ATXN7L1: variants seen among roughly 807,000 people sequenced by gnomAD.
ATXN7L1 encodes the protein ataxin 7 like 1.
ATXN7L1 carries 15 observed loss-of-function variants against 70.8 expected under a neutral mutation model. That is an observed-to-expected ratio of 0.21 (90% CI 0.14 to 0.33). ATXN7L1 has a LOEUF of 0.33. Among genes scored for constraint, ATXN7L1 ranks in the 10% least tolerant of loss-of-function variants. The pLI is 1.00. For missense variants in ATXN7L1, 975 were observed against 1,097.1 expected (o/e 0.89, Z 1.57); for synonymous variants, 440 against 445.1 (o/e 0.99, Z 0.14).
chr7:105,677,568 C>T (rs1804875950), intron 3 of ATXN7L1, among the ~76,000 whole-genome samples: 1 of 152,234 alleles, frequency 6.6e-6, no homozygotes, highest in African/African-American at 2.4e-5. Flanking sequence ...ACTCTATTCA[C>T]TGTGGAATAA....
chr7:105,863,221 C>T (rs1282725611), intron 2 of ATXN7L1, among the ~76,000 whole-genome samples: 1 of 152,194 alleles, frequency 6.6e-6, no homozygotes, highest in Non-Finnish European at 1.5e-5. Flanking sequence ...CACCTTCTCC[C>T]AAAAAGGAAC....
chr7:105,842,842 C>T (rs1457016209), intron 2 of ATXN7L1, among the ~76,000 whole-genome samples: 1 of 152,188 alleles, frequency 6.6e-6, no homozygotes, highest in African/African-American at 2.4e-5. Flanking sequence ...TCTCCACAAT[C>T]CTCGCCAACA....
At chr7:105,630,190 TG>T (rs2115848766) in intron 7 of ATXN7L1, among the ~76,000 whole-genome samples, 1 of 152,334 alleles carries the variant, frequency 6.6e-6, no homozygotes, top group South Asian at 2.1e-4. Context: ...TTGGCCATAA[TG>T]CTGCCATGAG....
chr7:105,725,994 T>C (rs1294845394), intron 3 of ATXN7L1, among the ~76,000 whole-genome samples: 10 of 151,238 alleles, frequency 6.6e-5, no homozygotes, highest in Non-Finnish European at 1.2e-4. Flanking sequence ...CTCCGCCTCC[T>C]GGGTTCAAGT....
chr7:105,721,078 C>T (rs73411071), intron 3 of ATXN7L1, among the ~76,000 whole-genome samples: 19,329 of 152,170 alleles, frequency 0.13, 1,620 homozygotes, highest in East Asian at 0.25. Context: ...GCAACAACCA[C>T]GACCACCCAA....
At chr7:105,794,505 C>T (rs571796706) in intron 2 of ATXN7L1, among the ~76,000 whole-genome samples, 11 of 152,368 alleles carry the variant, frequency 7.2e-5, no homozygotes, top group African/African-American at 1.2e-4. Context: ...ACCAGCACTT[C>T]GCTGACTAGT....
chr7:105,641,348 A>G (rs1798217359), intron 5 of ATXN7L1, among the ~76,000 whole-genome samples: 1 of 145,894 alleles, frequency 6.9e-6, no homozygotes, highest in Non-Finnish European at 1.5e-5. Flanking sequence ...TGGGTCTGTC[A>G]GAGTCAGGCC....
chr7:105,674,018 G>A (rs1216280551), intron 3 of ATXN7L1, among the ~76,000 whole-genome samples: 1 of 152,206 alleles, frequency 6.6e-6, no homozygotes, highest in Non-Finnish European at 1.5e-5. Context: ...TGCCAGGAGT[G>A]CTTGTGAGCT....
intron 7 of ATXN7L1, among the ~76,000 whole-genome samples, chr7:105,628,543 A>C (rs530085437): frequency 6.6e-6 from 1 of 152,040 alleles, no homozygotes; most frequent in African/African-American, 2.4e-5. Flanking sequence ...TAATCCCAGC[A>C]CTTTGGGAGG....
chr7:105,765,193 G>T (rs1259161126), intron 3 of ATXN7L1, among the ~76,000 whole-genome samples: 1 of 151,970 alleles, frequency 6.6e-6, no homozygotes, highest in Non-Finnish European at 1.5e-5. Flanking sequence ...CATTAGCCAG[G>T]CATGGTGGGG....
intron 3 of ATXN7L1, among the ~76,000 whole-genome samples, chr7:105,764,750 T>C (rs1801017130): frequency 6.6e-6 from 1 of 152,210 alleles, no homozygotes; most frequent in South Asian, 2.1e-4. Context: ...ATGGAAATTA[T>C]TCTTTATATG....
In ATXN7L1 at chr7:105,649,460, G is replaced by C. The variant is rs1466276104; in HGVS notation, c.579-6339C>G. On this transcript the variant is annotated intron_variant, in intron 4 of 11. Transcript: ENST00000419735. Reference sequence around the variant, plus strand: ...CCCACGTCTTCTTCCTTTGTGCTTGGCCTGTCTGAATTTATCTTTCTAGAT... The same window carrying C: ...CCCACGTCTTCTTCCTTTGTGCTTGCCCTGTCTGAATTTATCTTTCTAGAT... The C allele has an allele frequency of 4.1e-6, 4 of 987,618 alleles. No individual in the cohort carries two copies. In the African/African-American group the frequency reaches 7.0e-5, roughly 17 times the overall value. 61.2% of individuals were successfully genotyped at this position (987,618 alleles called of 1,614,324 possible).
chr7:105,849,101 C>T (rs894709345), intron 2 of ATXN7L1, among the ~76,000 whole-genome samples: 2 of 152,214 alleles, frequency 1.3e-5, no homozygotes, highest in African/African-American at 2.4e-5. Context: ...CTGAATTTGA[C>T]CATTATTGCA....
At chr7:105,748,292 C>T (rs375178919) in intron 3 of ATXN7L1, among the ~76,000 whole-genome samples, 2 of 152,110 alleles carry the variant, frequency 1.3e-5, no homozygotes, top group African/African-American at 2.4e-5. Context: ...CAAAGGGCAG[C>T]GGTGGGATGC....
intron 3 of ATXN7L1, among the ~76,000 whole-genome samples, chr7:105,688,996 A>T (rs535551): frequency 0.01 from 1,556 of 152,306 alleles, 27 homozygotes; most frequent in African/African-American, 0.036. Context: ...GGGTGAATGG[A>T]CTATGGCAAA....
At chr7:105,727,767 T>TATATATATATAAA (rs34755557) in intron 3 of ATXN7L1, among the ~76,000 whole-genome samples, 44 of 100,294 alleles carry the variant, frequency 4.4e-4, no homozygotes, top group Non-Finnish European at 6.6e-4. Flanking sequence ...TATATATATA[T>TATATATATATAAA]ATATATATAT....
chr7:105,710,769 G>A (rs74544753), intron 3 of ATXN7L1, among the ~76,000 whole-genome samples: 1 of 152,076 alleles, frequency 6.6e-6, no homozygotes. Flanking sequence ...CACTTTTAAA[G>A]CATCAGATCT....
At chr7:105,863,491 C>T (rs557086768) in intron 2 of ATXN7L1, among the ~76,000 whole-genome samples, 1 of 152,360 alleles carries the variant, frequency 6.6e-6, no homozygotes, top group South Asian at 2.1e-4. Context: ...TTAAGGGGCA[C>T]TCACTCCGCA....
intron 3 of ATXN7L1, among the ~76,000 whole-genome samples, chr7:105,727,777 T>TATATATATACACAC (rs1462125950): frequency 3.7e-4 from 33 of 90,192 alleles, no homozygotes; most frequent in Non-Finnish European, 5.3e-4. Flanking sequence ...TATATATATA[T>TATATATATACACAC]ACACACACAT....
Sources: allele counts gnomAD v4.1 joint callset (sites outside exome capture counted in the v4.1 genomes callset), GRCh38; gene constraint gnomAD v4.1.1; transcripts MANE v1.5; gene names NCBI Gene and HGNC (gene_info 2026-07-23, HGNC 2026-07-21).